The following PCGF3 variants were observed in gnomAD, a reference collection of about 807,000 sequenced individuals.
The protein encoded by PCGF3 is polycomb group ring finger 3, also known as polycomb group RING finger protein 3.
A neutral mutation model predicts 33.1 loss-of-function variants in PCGF3; 7 were observed. The ratio of observed to expected loss-of-function variants is 0.21; its 90% CI spans 0.12 to 0.40. The LOEUF is 0.40. PCGF3 is among the 10% of genes least tolerant of loss of function. The pLI, the probability that PCGF3 is intolerant of heterozygous loss-of-function variation, is 1.00. For missense variants in PCGF3, 211 were observed against 313.3 expected (o/e 0.67, Z 2.46); for synonymous variants, 153 against 121.3 (o/e 1.26, Z -1.72).
intron 1 of PCGF3, among the ~76,000 whole-genome samples, chr4:727,533 C>T (rs1175968470): frequency 6.6e-6 from 1 of 152,110 alleles, no homozygotes. Context: ...AGCCACTATG[C>T]TTGGCTGAGT....
At chr4:749,052 A>G (rs1364042922) in intron 8 of PCGF3, among the ~76,000 whole-genome samples, 1 of 152,130 alleles carries the variant, frequency 6.6e-6, no homozygotes, top group East Asian at 1.9e-4. Flanking sequence ...TTAAATTTAT[A>G]TCAGTGTTTA....
chr4:769,396 A>G (rs951555208), exon 11 of PCGF3: 16 of 152,724 alleles, frequency 1.0e-4, no homozygotes, highest in Admixed American at 2.6e-4. Flanking sequence ...AACATGGAAA[A>G]TAAGTTTAGT....
At chr4:743,494 G>A in exon 7 of PCGF3, 1 of 1,612,044 alleles carries the variant, frequency 6.2e-7, no homozygotes, top group Non-Finnish European at 8.5e-7. Context: ...AAAGCAGAGG[G>A]AGTTCTATCA....
intron 6 of PCGF3, among the ~76,000 whole-genome samples, chr4:739,149 A>G (rs1418700486): frequency 6.6e-6 from 1 of 152,060 alleles, no homozygotes; most frequent in Non-Finnish European, 1.5e-5. Context: ...CCAAATAGCC[A>G]CTCAGTGCTG....
At position 713,517 on chromosome 4, in the gene PCGF3, G is replaced by T. The variant is rs931655160; in HGVS notation, c.-190+7547G>T. On this transcript the variant is annotated intron_variant, in intron 1 of 10. Coordinates refer to ENST00000362003, the Ensembl canonical transcript of PCGF3. ...TGGGGGCTGTGGCCTTGTGGGTCCT[G>T]TGTGGCCTCATGGGTCCTGTGTGGC... 3.8e-5 allele frequency among the ~76,000 whole-genome samples: 5 copies of T among 130,990 alleles called. No homozygotes were observed. The Admixed American group carries it at 3.8e-4, about 10-fold the overall frequency. 85.9% of individuals were successfully genotyped at this position (130,990 alleles called of 152,430 possible). A position where few individuals can be genotyped will look rare whatever the true frequency, so the allele number is the denominator to read the frequency against.
At chr4:768,672 T>C (rs1393005436) in exon 11 of PCGF3, 3 of 152,516 alleles carry the variant, frequency 2.0e-5, no homozygotes, top group African/African-American at 7.2e-5. Flanking sequence ...AATTTAAGAT[T>C]TGGGGGGTTA....
At position 765,074 on chromosome 4, in the gene PCGF3, G is replaced by A. The variant is rs759424506; in HGVS notation, c.681+10G>A. 12 of 1,594,694 alleles carry A rather than the reference G, an allele frequency of 7.5e-6. No homozygotes were observed. Among genetic ancestry groups the A allele is most frequent in the Non-Finnish European group, 9.5e-6 (11 of 1,162,410 alleles). ...TAGGTGGAGATTCAAGGTGAGACAC[G>A]TGATTTGATTTTCAGAGTCTGCTCT... On this transcript the variant is annotated intron_variant, in intron 10 of 10. Coordinates refer to ENST00000362003, the Ensembl canonical transcript of PCGF3.
chr4:760,924 G>A (rs1379511624), intron 8 of PCGF3, among the ~76,000 whole-genome samples: 1 of 152,212 alleles, frequency 6.6e-6, no homozygotes, highest in African/African-American at 2.4e-5. Flanking sequence ...TCGCAGACAC[G>A]GGGCCGCCCA....
In PCGF3 at chr4:720,684, C is replaced by T. The variant is rs1045794119; in HGVS notation, c.-189-9946C>T. 2.7e-5 allele frequency among the ~76,000 whole-genome samples: 4 copies of T among 149,906 alleles called. No individual in the cohort carries two copies. The highest frequency in any genetic ancestry group is 4.9e-5 in the African/African-American group (2 of 40,444). ...GACGTGCGTGTGGACCCGGGGTGGA[C>T]GGGCGGTGACGTGCGTGTGGACCCG... On this transcript the variant is annotated intron_variant, in intron 1 of 10. Coordinates refer to ENST00000362003, the Ensembl canonical transcript of PCGF3. The surrounding 1 kb of genome is among the most constrained non-coding windows in gnomAD (Gnocchi z 5.6).
intron 5 of PCGF3, among the ~76,000 whole-genome samples, chr4:736,520 C>T (rs1469687964): frequency 7.1e-6 from 1 of 141,458 alleles, no homozygotes; most frequent in Admixed American, 6.9e-5. Context: ...ACGGTGTCCC[C>T]TGAGCGCATA....
chr4:744,484 G>T, intron 7 of PCGF3, 116 bp from the exon 8 acceptor site: 1 of 758,724 alleles, frequency 1.3e-6, no homozygotes, highest in South Asian at 1.7e-5. Flanking sequence ...CCGCTCCGGG[G>T]GTCCAGAGTC....
At chr4:708,523 C>T (rs1033695757) in intron 1 of PCGF3, among the ~76,000 whole-genome samples, 3 of 152,188 alleles carry the variant, frequency 2.0e-5, no homozygotes, top group Admixed American at 6.5e-5. Flanking sequence ...GCACATGAAC[C>T]GCCTAGGTGA....
At chr4:715,559 T>C (rs13126740) in intron 1 of PCGF3, among the ~76,000 whole-genome samples, 3,982 of 49,732 alleles carry the variant, frequency 0.08, no homozygotes, top group South Asian at 0.12. Flanking sequence ...GAGAACTGGG[T>C]GTCGGTGCTG....
chr4:735,066 A>G, intron 5 of PCGF3, 39 bp downstream of exon 5: 1 of 1,592,912 alleles, frequency 6.3e-7, no homozygotes, highest in Non-Finnish European at 8.6e-7. Context: ...ACGTGGGGTG[A>G]GTGCCCCTGG....
At chr4:744,300 G>A (rs1227188530) in intron 7 of PCGF3, among the ~76,000 whole-genome samples, 1 of 152,256 alleles carries the variant, frequency 6.6e-6, no homozygotes, top group African/African-American at 2.4e-5. Flanking sequence ...AGCTCCGGGC[G>A]GGCCTGGCCA....
chr4:716,051 G>T (rs1461355386), intron 1 of PCGF3, among the ~76,000 whole-genome samples: 1 of 141,494 alleles, frequency 7.1e-6, no homozygotes, highest in Non-Finnish European at 1.5e-5. Flanking sequence ...GTCGGTGCTG[G>T]AACCCTGTAG....
intron 8 of PCGF3, among the ~76,000 whole-genome samples, chr4:754,291 G>A (rs1053479406): frequency 6.6e-6 from 1 of 152,226 alleles, no homozygotes; most frequent in Admixed American, 6.5e-5. Flanking sequence ...CCTCCGAGTT[G>A]TGCCTCCCTG....
intron 1 of PCGF3, among the ~76,000 whole-genome samples, chr4:711,285 C>T (rs11734460): frequency 0.26 from 38,960 of 152,134 alleles, 5,360 homozygotes; most frequent in South Asian, 0.36. Flanking sequence ...GGCCCTTTGC[C>T]GTGGGCTAGA....
rs970448719 is a variant in PCGF3, at chr4:731,369, C to T, written c.-10+259C>T. On this transcript the variant is annotated intron_variant, in intron 3 of 10. Transcript: ENST00000362003. Reference sequence around the variant, plus strand: ...GTCACTGGTTCACTTGGGTTCCCGGCGTGTCGCTGAGGAGCAGTGCTGCTT... The same window carrying T: ...GTCACTGGTTCACTTGGGTTCCCGGTGTGTCGCTGAGGAGCAGTGCTGCTT... 23 of 397,186 alleles carry T rather than the reference C, an allele frequency of 5.8e-5. No homozygotes were observed. The Admixed American group carries it at 6.6e-4, about 11-fold the overall frequency. 24.6% of individuals were successfully genotyped at this position (397,186 alleles called of 1,614,324 possible).
Sources: allele counts gnomAD v4.1 joint callset (sites outside exome capture counted in the v4.1 genomes callset), GRCh38; gene constraint gnomAD v4.1.1; non-coding constraint Gnocchi (gnomAD v3.1); transcripts MANE v1.5; gene names NCBI Gene and HGNC (gene_info 2026-07-23, HGNC 2026-07-21).